CRHR1: variants seen among roughly 807,000 people sequenced by gnomAD.
CRHR1 encodes corticotropin releasing hormone receptor 1, also known as corticotropin-releasing hormone receptor 1.
CRHR1 carries 28 observed loss-of-function variants against 56.0 expected under a neutral mutation model. The ratio of observed to expected loss-of-function variants is 0.50; its 90% confidence interval spans 0.37 to 0.69. The LOEUF (loss-of-function observed/expected upper bound fraction) is 0.69. Ranked by LOEUF, CRHR1 falls within the 30% of genes least tolerant of loss-of-function variation. The pLI, the probability that CRHR1 is intolerant of heterozygous loss-of-function variation, is 0.00. For missense variants in CRHR1, 376 were observed against 548.0 expected (o/e 0.69, Z 3.13); for synonymous variants, 195 against 216.5 (o/e 0.90, Z 0.87).
intron 4 of CRHR1, chr17:45,826,976 A>G (rs2062177966): frequency 6.6e-6 from 1 of 152,202 alleles, no homozygotes; most frequent in Non-Finnish European, 1.5e-5. Context: ...GTGAGACTCC[A>G]TCCCTCCCCC....
intron 1 of CRHR1, among the ~76,000 whole-genome samples, chr17:45,806,271 G>A (rs1425230097): frequency 6.6e-6 from 1 of 152,252 alleles, no homozygotes; most frequent in Non-Finnish European, 1.5e-5. Flanking sequence ...TGGAATCAGA[G>A]TGACACGGAG....
Position 45,809,449 on chromosome 17 carries a change from C to A in CRHR1, c.121+2352C>A, listed in dbSNP as rs59869593. 6.8e-3 allele frequency among the ~76,000 whole-genome samples: 1,033 copies of A among 152,330 alleles called. 17 individuals carry two copies. Among genetic ancestry groups the A allele is most frequent in the African/African-American group, 0.024 (1,005 of 41,574 alleles). On this transcript the variant is annotated intron_variant, in intron 2 of 12. Transcript: ENST00000314537. Reference sequence around the variant, plus strand: ...TCGTTATGCTCAGGAGGAGAGACATCCCTGAGCCCACAGAGGTGTCACCTG... The same window carrying A: ...TCGTTATGCTCAGGAGGAGAGACATACCTGAGCCCACAGAGGTGTCACCTG...
At position 45,819,326 on chromosome 17, in the gene CRHR1, C is replaced by T. The variant is rs373684321; in HGVS notation, c.242-2029C>T. 1.2e-3 allele frequency among the ~76,000 whole-genome samples: 180 copies of T among 152,300 alleles called. 1 individual carries two copies. Among genetic ancestry groups the T allele is most frequent in the African/African-American group, 4.2e-3 (175 of 41,568 alleles). On this transcript the variant is annotated intron_variant, in intron 3 of 12. Transcript: ENST00000314537. ...GGAAGCTGACAGGTTTCGGGATTTG[C>T]CCAAGGTCACACAGCTAGTGGAAGG... is the stretch of plus-strand genomic sequence containing the variant.
chr17:45,796,738 C>T (rs1391742846), intron 1 of CRHR1, among the ~76,000 whole-genome samples: 2 of 151,898 alleles, frequency 1.3e-5, no homozygotes, highest in African/African-American at 2.4e-5. Context: ...ACTGTGCAAG[C>T]CTTCAGTAAA....
intron 1 of CRHR1, among the ~76,000 whole-genome samples, chr17:45,785,430 T>G (rs2061318890): frequency 6.6e-6 from 1 of 152,316 alleles, no homozygotes; most frequent in African/African-American, 2.4e-5. Context: ...AGCGTTTTGG[T>G]TTTGCAGGGT....
intron 2 of CRHR1, among the ~76,000 whole-genome samples, chr17:45,811,333 G>C (rs2061819962): frequency 1.3e-5 from 2 of 152,194 alleles, no homozygotes; most frequent in Non-Finnish European, 2.9e-5. Context: ...TTCCCTGGCA[G>C]GTGGGAGCCC....
At chr17:45,790,690 A>G (rs2061410790) in intron 1 of CRHR1, among the ~76,000 whole-genome samples, 2 of 152,108 alleles carry the variant, frequency 1.3e-5, no homozygotes, top group Non-Finnish European at 2.9e-5. Context: ...TCCAAGCCCC[A>G]GCCAGTCTGG....
intron 1 of CRHR1, among the ~76,000 whole-genome samples, chr17:45,803,753 A>AGTGTGT (rs1401971662): frequency 2.7e-5 from 2 of 75,348 alleles, no homozygotes; most frequent in African/African-American, 1.0e-4. Context: ...TGAGAGAGAG[A>AGTGTGT]GTGCGTGTGT....
intron 1 of CRHR1, among the ~76,000 whole-genome samples, chr17:45,790,660 C>T (rs913373123): frequency 1.3e-5 from 2 of 152,178 alleles, no homozygotes; most frequent in African/African-American, 2.4e-5. Flanking sequence ...CATCTGCCCC[C>T]CTCCGCATGT....
chr17:45,795,527 T>C (rs1324534453), intron 1 of CRHR1, among the ~76,000 whole-genome samples: 1 of 152,210 alleles, frequency 6.6e-6, no homozygotes, highest in East Asian at 1.9e-4. Context: ...TCCCCCTTCC[T>C]GATTATAGCA....
In CRHR1 at chr17:45,833,694, C is replaced by CGGGGG; in HGVS notation, c.930-20_930-19insGGGGG. ...TGGGGTGGGCTGTGACTCCGAGCCT[C>CGGGGG]CCCACCCGCCCCACCCCAGGAAGGC... is the stretch of plus-strand genomic sequence containing the variant. On this transcript the variant is annotated intron_variant, in intron 10 of 12. Coordinates refer to ENST00000314537, the MANE Select transcript of CRHR1 (RefSeq NM_004382.5). 1.7e-6 allele frequency: 1 copy of CGGGGG among 581,960 alleles called. No homozygotes were observed. 36.0% of individuals were successfully genotyped at this position (581,960 alleles called of 1,614,324 possible).
rs73984612 is a variant in CRHR1 at position 45,796,646 on chromosome 17, C to T, written c.34-10364C>T. 8.3e-3 allele frequency among the ~76,000 whole-genome samples: 1,260 copies of T among 152,276 alleles called. 21 individuals carry two copies. Among genetic ancestry groups the T allele is most frequent in the African/African-American group, 0.029 (1,211 of 41,552 alleles). On this transcript the variant is annotated intron_variant, in intron 1 of 12. Coordinates refer to ENST00000314537, the MANE Select transcript of CRHR1 (RefSeq NM_004382.5). ...ACTGTCTCCGGGTGCACCAGTCTCT[C>T]GTTTGAACAGTGGGGAGATAGTAAA...
At chr17:45,830,009 C>T in intron 5 of CRHR1, 85 bp from the exon 6 acceptor site, 2 of 1,583,884 alleles carry the variant, frequency 1.3e-6, no homozygotes, top group South Asian at 2.3e-5. Context: ...CTCATCTACA[C>T]ATCTGGGCTG....
At chr17:45,797,283 C>CTTTTTTT (rs899983592) in intron 1 of CRHR1, among the ~76,000 whole-genome samples, 74 of 94,920 alleles carry the variant, frequency 7.8e-4, no homozygotes, top group African/African-American at 1.2e-3. Context: ...TTCTTTCTTT[C>CTTTTTTT]TTTTTTTTTT....
At chr17:45,812,092 A>G (rs915259863) in intron 2 of CRHR1, among the ~76,000 whole-genome samples, 5 of 152,196 alleles carry the variant, frequency 3.3e-5, no homozygotes, top group Non-Finnish European at 7.3e-5. Context: ...CATATAACCT[A>G]TGCACATCCT....
At chr17:45,814,425 G>T (rs1427879298) in intron 2 of CRHR1, among the ~76,000 whole-genome samples, 1 of 152,190 alleles carries the variant, frequency 6.6e-6, no homozygotes, top group Non-Finnish European at 1.5e-5. Context: ...CAAAATACCT[G>T]CCTATGAGTC....
chr17:45,834,076 G>T, intron 12 of CRHR1, 28 bp downstream of exon 12: 1 of 1,611,616 alleles, frequency 6.2e-7, no homozygotes, highest in Non-Finnish European at 8.5e-7. Context: ...CTGCAGCGGG[G>T]TTCAGGGCTG....
intron 1 of CRHR1, among the ~76,000 whole-genome samples, chr17:45,797,281 T>G (rs1309890273): frequency 6.8e-6 from 1 of 146,430 alleles, no homozygotes; most frequent in Non-Finnish European, 1.5e-5. Flanking sequence ...TTTTCTTTCT[T>G]TCTTTTTTTT....
intron 2 of CRHR1, among the ~76,000 whole-genome samples, chr17:45,809,310 C>G (rs2061775653): frequency 1.3e-5 from 2 of 152,106 alleles, no homozygotes; most frequent in Non-Finnish European, 2.9e-5. Flanking sequence ...GTCTGGAGTT[C>G]TAGGAGAGAG....
Sources: gnomAD v4.1 joint callset for allele counts (sites outside exome capture counted in the v4.1 genomes callset) on GRCh38, gnomAD v4.1.1 for gene constraint, MANE v1.5 for transcripts, NCBI Gene and HGNC (gene_info 2026-07-23, HGNC 2026-07-21) for gene names.